GDAP1: variants seen among roughly 807,000 people sequenced by gnomAD.
GDAP1 encodes ganglioside-induced differentiation-associated protein 1.
A neutral mutation model predicts 40.1 loss-of-function variants in GDAP1; 34 were observed. That is an observed-to-expected ratio of 0.85 (90% CI 0.64 to 1.13). The LOEUF is 1.13. GDAP1 is among the 50% of genes most tolerant of loss of function. The pLI is 0.00. For synonymous variants in GDAP1, 170 were observed against 157.4 expected (o/e 1.08, Z -0.60); for missense variants, 374 against 433.7 (o/e 0.86, Z 1.22).
intron 2 of GDAP1, among the ~76,000 whole-genome samples, chr8:74,421,478 G>A (rs1406208268): frequency 6.6e-6 from 1 of 152,096 alleles, no homozygotes; most frequent in Non-Finnish European, 1.5e-5. Flanking sequence ...ATTGTCATGA[G>A]TAACAAGAAT....
chr8:74,384,217 G>A (rs1262515213), intron 2 of GDAP1, among the ~76,000 whole-genome samples: 1 of 151,796 alleles, frequency 6.6e-6, no homozygotes, highest in African/African-American at 2.4e-5. Flanking sequence ...GTGTGTTCAC[G>A]CCTCTTGTAG....
chr8:74,392,865 A>C (rs1810133904), intron 2 of GDAP1, among the ~76,000 whole-genome samples: 1 of 152,194 alleles, frequency 6.6e-6, no homozygotes, highest in African/African-American at 2.4e-5. Context: ...TATGGAAGAA[A>C]CCTGCTGCAG....
At position 74,408,146 on chromosome 8, in the gene GDAP1, C is replaced by T. The variant is rs114153854; in HGVS notation, c.165+56825C>T. On this transcript the variant is annotated intron_variant, in intron 2 of 2. Coordinates refer to the GDAP1 transcript ENST00000523640. ...ATCTGTCAGGCAAAAATTTCACACT[C>T]GAGGCCTGTATGTTCCAAAATAAGA... Among the ~76,000 whole-genome samples the T allele has an allele frequency of 6.2e-3, 927 of 150,044 alleles. 99 individuals are homozygous for T. The highest frequency in any genetic ancestry group is 0.022 in the African/African-American group (864 of 39,420).
chr8:74,441,710 T>G (rs750099325), intron 2 of GDAP1, among the ~76,000 whole-genome samples: 2 of 152,184 alleles, frequency 1.3e-5, no homozygotes, highest in Non-Finnish European at 2.9e-5. Flanking sequence ...GTTTTTAGTA[T>G]TTATAACTTA....
intron 2 of GDAP1, among the ~76,000 whole-genome samples, chr8:74,359,479 T>TG (rs1426115910): frequency 1.3e-5 from 2 of 152,218 alleles, no homozygotes; most frequent in Non-Finnish European, 2.9e-5. Context: ...TAGAAATTCC[T>TG]GGGGAAAGTG....
In GDAP1 at chr8:74,366,803, A is replaced by G; in HGVS notation, c.*2436A>G. On this transcript the variant is annotated 3_prime_UTR_variant, in exon 6 of 6. Coordinates refer to ENST00000220822, the MANE Select transcript of GDAP1 (RefSeq NM_018972.4). The stretch of plus-strand genomic sequence containing the variant: ...GTAGATTTTTGGTGTTGTTGAATGC[A>G]GTAGAGAGACCAAGACACTATTCTG... The G allele has an allele frequency of 2.2e-6, 1 of 453,864 alleles. No homozygotes were observed. Among genetic ancestry groups the G allele is most frequent in the South Asian group, 1.6e-5 (1 of 64,386 alleles). 28.1% of individuals were successfully genotyped at this position (453,864 alleles called of 1,614,324 possible).
chr8:74,478,501 C>A (rs1219465843), intron 2 of GDAP1, among the ~76,000 whole-genome samples: 2 of 152,080 alleles, frequency 1.3e-5, no homozygotes, highest in Non-Finnish European at 2.9e-5. Flanking sequence ...TACCTGGAGG[C>A]TGCACCGCAA....
intron 2 of GDAP1, among the ~76,000 whole-genome samples, chr8:74,429,781 A>G (rs1806003176): frequency 1.3e-5 from 2 of 152,174 alleles, no homozygotes; most frequent in African/African-American, 4.8e-5. Context: ...AGGGGATGCA[A>G]TTCAGCCCAT....
intron 2 of GDAP1, among the ~76,000 whole-genome samples, chr8:74,455,321 A>G (rs1206848692): frequency 6.6e-6 from 1 of 151,956 alleles, no homozygotes; most frequent in Admixed American, 6.6e-5. Context: ...TTTTAAAAAC[A>G]AAAGGGAATG....
At chr8:74,405,759 T>A (rs1163497557) in intron 2 of GDAP1, among the ~76,000 whole-genome samples, 3 of 150,138 alleles carry the variant, frequency 2.0e-5, no homozygotes, top group Non-Finnish European at 4.4e-5. Context: ...CAGTAACTCC[T>A]GACATTGAGC....
chr8:74,457,107 T>C (rs2131578425), intron 2 of GDAP1, among the ~76,000 whole-genome samples: 1 of 152,244 alleles, frequency 6.6e-6, no homozygotes, highest in Middle Eastern at 3.4e-3. Context: ...ATTCTTTTTA[T>C]GTCTAAAAAT....
Position 74,350,442 on chromosome 8 carries a change from C to A in GDAP1, c.-20C>A. ...TCCAGGGCGGACAGGCTGGGCGCAC[C>A]CGTGCTCGCGCACCCCAAGATGGCT... On this transcript the variant is annotated 5_prime_UTR_variant, in exon 1 of 6. Transcript: ENST00000220822. 1 of 1,476,526 alleles carries A rather than the reference C, an allele frequency of 6.8e-7. No individual in the cohort carries two copies. Among genetic ancestry groups the A allele is most frequent in the Middle Eastern group, 1.7e-4 (1 of 5,760 alleles). The allele number at this position is 1,476,526 out of a possible 1,614,324, so 91.5% of individuals were successfully genotyped here. A position where few individuals can be genotyped will look rare whatever the true frequency, so the allele number is the denominator to read the frequency against.
intron 2 of GDAP1, chr8:74,376,666 CTTATT>C (rs59272628): frequency 0.29 from 44,606 of 151,914 alleles, 6,738 homozygotes; most frequent in Non-Finnish European, 0.34. Flanking sequence ...CTTTCATTAT[CTTATT>C]TTAAGACTTA....
chr8:74,367,047 A>G, downstream of GDAP1: 1 of 246,878 alleles, frequency 4.1e-6, no homozygotes, highest in Non-Finnish European at 8.0e-6. Flanking sequence ...TGCTTCATTT[A>G]AATATGCACG....
intron 2 of GDAP1, among the ~76,000 whole-genome samples, chr8:74,450,197 C>T (rs757755019): frequency 7.3e-5 from 11 of 150,640 alleles, no homozygotes; most frequent in East Asian, 3.9e-4. Context: ...TGTTAGATAA[C>T]GTGTTCTGTA....
At chr8:74,416,056 C>G (rs986929854) in intron 2 of GDAP1, among the ~76,000 whole-genome samples, 1 of 149,790 alleles carries the variant, frequency 6.7e-6, no homozygotes, top group Non-Finnish European at 1.5e-5. Flanking sequence ...CTCAGACTAC[C>G]TAGAACCTAA....
chr8:74,385,905 T>G (rs1810018211), intron 2 of GDAP1, among the ~76,000 whole-genome samples: 1 of 152,194 alleles, frequency 6.6e-6, no homozygotes, highest in Non-Finnish European at 1.5e-5. Flanking sequence ...TGGTATCTCA[T>G]TGTGGTTTTG....
chr8:74,430,029 A>G (rs968755136), intron 2 of GDAP1, among the ~76,000 whole-genome samples: 4 of 152,286 alleles, frequency 2.6e-5, no homozygotes, highest in Non-Finnish European at 5.9e-5. Context: ...TGGTTGAGAG[A>G]AATGAACATA....
At chr8:74,405,768 G>A (rs750500502) in intron 2 of GDAP1, among the ~76,000 whole-genome samples, 1 of 149,964 alleles carries the variant, frequency 6.7e-6, no homozygotes, top group Non-Finnish European at 1.5e-5. Context: ...CTGACATTGA[G>A]CAAGGGGAGA....
Sources: allele counts gnomAD v4.1 joint callset (sites outside exome capture counted in the v4.1 genomes callset), GRCh38; gene constraint gnomAD v4.1.1; transcripts MANE v1.5; gene names NCBI Gene and HGNC (gene_info 2026-07-23, HGNC 2026-07-21).